Variants in CFAP97D1 observed in about 807,000 individuals in gnomAD.
The protein encoded by CFAP97D1 is CFAP97 domain containing 1.
In CFAP97D1, 15 loss-of-function variants were observed where a neutral mutation model predicts 20.5. The ratio of observed to expected loss-of-function variants is 0.73; its 90% CI spans 0.49 to 1.13. The LOEUF is 1.13. CFAP97D1 is among the 50% of genes most tolerant of loss of function. The probability of loss-of-function intolerance (pLI) is 0.00; values close to 1 mark genes in which losing one functional copy is unlikely to be tolerated. For synonymous variants in CFAP97D1, 58 were observed against 71.2 expected (o/e 0.82, Z 0.93); for missense variants, 168 against 202.9 (o/e 0.83, Z 1.04).
At chr17:43,781,078 C>T in intron 1 of CFAP97D1, 41 bp from the exon 2 acceptor site, 1 of 1,463,454 alleles carries the variant, frequency 6.8e-7, no homozygotes. Context: ...TACTGGAATT[C>T]CTGTGATGTA....
chr17:43,782,280 A>G (rs61629263), intron 3 of CFAP97D1, among the ~76,000 whole-genome samples: 30,168 of 152,214 alleles, frequency 0.2, 3,758 homozygotes, highest in Non-Finnish European at 0.28. Flanking sequence ...GTGCCAGTAA[A>G]TTCGGCATCT....
Position 43,783,899 on chromosome 17 carries a change from T to A in CFAP97D1, c.*6T>A. 6.5e-7 allele frequency: 1 copy of A among 1,544,646 alleles called. No individual in the cohort carries two copies. The highest frequency in any genetic ancestry group is 8.8e-7 in the Non-Finnish European group (1 of 1,141,360). The stretch of plus-strand genomic sequence containing the variant: ...TTCTCTCCCAAAATGAATAGGTATG[T>A]CTCTCTTACTATCAAACACTGTGAC... On this transcript the variant is annotated splice_donor_region_variant and intron_variant, in intron 5 of 5. Transcript: ENST00000449302.
Position 43,787,170 on chromosome 17 carries a change from T to G in CFAP97D1, c.*2788T>G, listed in dbSNP as rs777615917. On this transcript the variant is annotated 3_prime_UTR_variant, in exon 6 of 6. Coordinates refer to ENST00000449302, the MANE Select transcript of CFAP97D1 (RefSeq NM_001136483.3). ...TTAGTAGAGACAGGGTTTCACCATGTTGACCCGGCTGGTCTCAAATTCCTG... is the reference window on the plus strand; with the variant it reads ...TTAGTAGAGACAGGGTTTCACCATGGTGACCCGGCTGGTCTCAAATTCCTG... 1 of 152,168 alleles carries G rather than the reference T, an allele frequency of 6.6e-6. No individual in the cohort carries two copies. Among genetic ancestry groups the G allele is most frequent in the Non-Finnish European group, 1.5e-5 (1 of 68,048 alleles). The allele number at this position is 152,168 out of a possible 1,614,324, so 9.4% of individuals were successfully genotyped here. A position where few individuals can be genotyped will look rare whatever the true frequency, so the allele number is the denominator to read the frequency against.
chr17:43,783,449 A>C, intron 4 of CFAP97D1, 146 bp downstream of exon 4: 1 of 1,112,042 alleles, frequency 9.0e-7, no homozygotes, highest in Admixed American at 2.8e-5. Context: ...ATCCAAAGCA[A>C]ACAAAGCTAA....
At chr17:43,781,316 C>A in intron 2 of CFAP97D1, 127 bp downstream of exon 2, 2 of 760,058 alleles carry the variant, frequency 2.6e-6, no homozygotes, top group Non-Finnish European at 4.4e-6. Context: ...TAATACTCCT[C>A]CTCCCCACGC....
chr17:43,783,384 C>G (rs1831212566), intron 4 of CFAP97D1, 81 bp downstream of exon 4: 2 of 1,491,726 alleles, frequency 1.3e-6, no homozygotes, highest in Non-Finnish European at 9.1e-7. Flanking sequence ...CAGAAAAATC[C>G]CTGAACAGCT....
rs2044278228 is a variant in CFAP97D1 at position 43,784,495 on chromosome 17, C to T, written c.*113C>T. The T allele has an allele frequency of 6.6e-6, 1 of 152,200 alleles. No individual in the cohort carries two copies. Among genetic ancestry groups the T allele is most frequent in the African/African-American group, 2.4e-5 (1 of 41,434 alleles). The allele number at this position is 152,200 out of a possible 1,614,324, so 9.4% of individuals were successfully genotyped here. A position where few individuals can be genotyped will look rare whatever the true frequency, so the allele number is the denominator to read the frequency against. ...TCCATCTTCAGATGCTTCAATAAAG[C>T]TTGGAACATAAAATGCGTAAGTTAC... On this transcript the variant is annotated 3_prime_UTR_variant, in exon 6 of 6. Coordinates refer to ENST00000449302, the MANE Select transcript of CFAP97D1 (RefSeq NM_001136483.3).
chr17:43,782,083 AT>A (rs1271876272), intron 3 of CFAP97D1, among the ~76,000 whole-genome samples, 191 bp downstream of exon 3: 4 of 152,202 alleles, frequency 2.6e-5, no homozygotes, highest in African/African-American at 9.7e-5. Flanking sequence ...AAGAGCTTTT[AT>A]TTCATCGAAG....
rs1007997077 is a variant in CFAP97D1, at chr17:43,786,020, C to T, written c.*1638C>T. 1 of 152,238 alleles carries T rather than the reference C, an allele frequency of 6.6e-6. No individual in the cohort carries two copies. The highest frequency in any genetic ancestry group is 1.5e-5 in the Non-Finnish European group (1 of 68,140). The allele number at this position is 152,238 out of a possible 1,614,324, so 9.4% of individuals were successfully genotyped here. On this transcript the variant is annotated 3_prime_UTR_variant, in exon 6 of 6. Transcript: ENST00000449302. ...AGGTGGTGTAACTCTCAGTTCGAGG[C>T]CAAAGGCTGAGAACCCACTAGGGGG...
chr17:43,787,445 C>T lies in CFAP97D1; in HGVS notation c.*3063C>T, dbSNP rs989500679. The T allele has an allele frequency of 1.3e-5, 2 of 152,180 alleles. No individual in the cohort carries two copies. Among genetic ancestry groups the T allele is most frequent in the Non-Finnish European group, 2.9e-5 (2 of 67,998 alleles). The allele number at this position is 152,180 out of a possible 1,614,324, so 9.4% of individuals were successfully genotyped here. On this transcript the variant is annotated 3_prime_UTR_variant, in exon 6 of 6. Coordinates refer to ENST00000449302, the MANE Select transcript of CFAP97D1 (RefSeq NM_001136483.3). ...GACATCCAATATATCAATGATGAAA[C>T]TGTTCTATATCTTGACTCTATCAAT...
In CFAP97D1 at chr17:43,787,468, A is replaced by G. The variant is rs1214483293; in HGVS notation, c.*3086A>G. On this transcript the variant is annotated 3_prime_UTR_variant, in exon 6 of 6. Coordinates refer to ENST00000449302, the MANE Select transcript of CFAP97D1 (RefSeq NM_001136483.3). Reference sequence around the variant, plus strand: ...AACTGTTCTATATCTTGACTCTATCAATGTCAATATCCTTGTTGTGATACT... The same window carrying G: ...AACTGTTCTATATCTTGACTCTATCGATGTCAATATCCTTGTTGTGATACT... 1.3e-5 allele frequency: 2 copies of G among 152,122 alleles called. No individual in the cohort carries two copies. The allele number at this position is 152,122 out of a possible 1,614,324, so 9.4% of individuals were successfully genotyped here. A position where few individuals can be genotyped will look rare whatever the true frequency, so the allele number is the denominator to read the frequency against.
At chr17:43,781,950 G>A in intron 3 of CFAP97D1, 58 bp downstream of exon 3, 1 of 1,202,398 alleles carries the variant, frequency 8.3e-7, no homozygotes, top group Non-Finnish European at 1.2e-6. Flanking sequence ...TTCCTCTTGG[G>A]TTTTAGTGTG....
chr17:43,781,406 C>T (rs1202854340), intron 2 of CFAP97D1, among the ~76,000 whole-genome samples: 1 of 151,638 alleles, frequency 6.6e-6, no homozygotes, highest in African/African-American at 2.4e-5. Context: ...TCTCGGCTCA[C>T]TGCAACCTCC....
chr17:43,783,855 A>G lies in CFAP97D1; in HGVS notation c.457A>G (p.Arg153Gly). Reference sequence around the variant, plus strand: ...CTTCAAGAATTCAAGGCGCTATATCAGAAATACCACGAGATATCTTCTCTC... The same window carrying G: ...CTTCAAGAATTCAAGGCGCTATATCGGAAATACCACGAGATATCTTCTCTC... Reference protein sequence around the residue: ...IDWQNSRRYIRNTTRYLLSQN... With the variant: ...IDWQNSRRYIGNTTRYLLSQN... Residue 153 changes from arginine (R) to glycine (G), a missense_variant, in exon 5 of 6, where the codon AGA becomes GGA. Physicochemically the swap from Arg to Gly is moderately radical, Grantham distance 125. Coordinates refer to ENST00000449302, the MANE Select transcript of CFAP97D1 (RefSeq NM_001136483.3). 1 of 1,550,474 alleles carries G rather than the reference A, an allele frequency of 6.4e-7. No homozygotes were observed. The highest frequency in any genetic ancestry group is 8.7e-7 in the Non-Finnish European group (1 of 1,146,732).
intron 4 of CFAP97D1, 124 bp downstream of exon 4, chr17:43,783,427 A>C (rs1974495746): frequency 6.9e-6 from 9 of 1,312,434 alleles, no homozygotes; most frequent in Non-Finnish European, 9.3e-6. Context: ...AACAATCGTT[A>C]AAAGAAAAAC....
At chr17:43,780,694 C>A in intron 1 of CFAP97D1, 108 bp downstream of exon 1, 1 of 1,250,388 alleles carries the variant, frequency 8.0e-7, no homozygotes, top group Non-Finnish European at 1.1e-6. Flanking sequence ...GATGATATGG[C>A]CTTATCTGCT....
rs2044299060 is a variant in CFAP97D1 at position 43,787,310 on chromosome 17, A to G, written c.*2928A>G. 1 of 152,236 alleles carries G rather than the reference A, an allele frequency of 6.6e-6. No homozygotes were observed. The highest frequency in any genetic ancestry group is 1.5e-5 in the Non-Finnish European group (1 of 68,044). 9.4% of individuals were successfully genotyped at this position (152,236 alleles called of 1,614,324 possible). A position where few individuals can be genotyped will look rare whatever the true frequency, so the allele number is the denominator to read the frequency against. The stretch of plus-strand genomic sequence containing the variant: ...ATTTTGAAAGTTATTTACATATTAT[A>G]GGAATAAGTCCTTTGCCTGCTATGC... On this transcript the variant is annotated 3_prime_UTR_variant, in exon 6 of 6. Transcript: ENST00000449302.
chr17:43,787,149 T>C lies in CFAP97D1; in HGVS notation c.*2767T>C, dbSNP rs1009777203. On this transcript the variant is annotated 3_prime_UTR_variant, in exon 6 of 6. Transcript: ENST00000449302. ...GCCCGGCTAATTTTTATATTTTTAG[T>C]AGAGACAGGGTTTCACCATGTTGAC... 2.0e-5 allele frequency: 3 copies of C among 152,126 alleles called. No individual in the cohort carries two copies. Among genetic ancestry groups the C allele is most frequent in the African/African-American group, 7.2e-5 (3 of 41,408 alleles). 9.4% of individuals were successfully genotyped at this position (152,126 alleles called of 1,614,324 possible). A position where few individuals can be genotyped will look rare whatever the true frequency, so the allele number is the denominator to read the frequency against.
At chr17:43,782,911 G>T (rs991242066) in intron 3 of CFAP97D1, 3 of 394,612 alleles carry the variant, frequency 7.6e-6, no homozygotes, top group African/African-American at 4.1e-5. Flanking sequence ...GAAAATGCCA[G>T]TGTGCACGGT....
Sources: gnomAD v4.1 joint callset for allele counts (sites outside exome capture counted in the v4.1 genomes callset) on GRCh38, gnomAD v4.1.1 for gene constraint, MANE v1.5 for transcripts, NCBI Gene and HGNC (gene_info 2026-07-23, HGNC 2026-07-21) for gene names.